GRM5: variants seen among roughly 807,000 people sequenced by gnomAD.
GRM5 encodes the protein glutamate metabotropic receptor 5, also known as metabotropic glutamate receptor 5.
Under a neutral mutation model 83.1 loss-of-function variants are expected in GRM5, and 19 were observed. That is an observed-to-expected ratio of 0.23 (90% CI 0.16 to 0.34). The LOEUF is 0.34. GRM5 is among the 10% of genes least tolerant of loss of function. GRM5 has a pLI of 1.00. For missense variants in GRM5, 1,160 were observed against 1,588.3 expected, an observed-to-expected ratio of 0.73 and a Z score of 4.58; for synonymous variants, 675 against 633.6, an observed-to-expected ratio of 1.07 and a Z score of -0.98.
intron 4 of GRM5, among the ~76,000 whole-genome samples, chr11:88,643,745 T>C (rs1167873586): frequency 8.9e-5 from 11 of 123,764 alleles, no homozygotes; most frequent in Non-Finnish European, 3.6e-5. Flanking sequence ...CCCAAGCAAT[T>C]CTTTTCTTTC....
chr11:89,038,274 C>T (rs760217160), intron 2 of GRM5, among the ~76,000 whole-genome samples: 3 of 152,114 alleles, frequency 2.0e-5, no homozygotes, highest in Non-Finnish European at 4.4e-5. Context: ...GCCAAAACAT[C>T]TCCTCAATTC....
At chr11:88,611,970 A>T (rs962830342) in intron 4 of GRM5, among the ~76,000 whole-genome samples, 33 of 146,034 alleles carry the variant, frequency 2.3e-4, no homozygotes, top group Non-Finnish European at 2.5e-4. Context: ...TTTATTTATT[A>T]TTTTTTTTTA....
intron 2 of GRM5, among the ~76,000 whole-genome samples, chr11:89,002,655 T>C (rs1940416962): frequency 6.6e-6 from 1 of 152,210 alleles, no homozygotes; most frequent in African/African-American, 2.4e-5. Flanking sequence ...GAGTGTTTAA[T>C]AATCTATTGC....
chr11:88,612,240 A>G (rs1221253927), intron 4 of GRM5, among the ~76,000 whole-genome samples: 1 of 148,278 alleles, frequency 6.7e-6, no homozygotes. Context: ...TTCCTGCGAT[A>G]GTTTACTGAG....
At chr11:88,630,826 C>A (rs1241242176) in intron 4 of GRM5, among the ~76,000 whole-genome samples, 1 of 152,110 alleles carries the variant, frequency 6.6e-6, no homozygotes, top group African/African-American at 2.4e-5. Context: ...GATTTGCCCA[C>A]CTCGGCCTCC....
rs192798979 is a variant in GRM5, at chr11:88,884,029, C to T, written c.662-33874G>A. Among the ~76,000 whole-genome samples the T allele has an allele frequency of 1.2e-4, 18 of 152,206 alleles. No homozygotes were observed. The East Asian group carries it at 3.5e-3, about 29-fold the overall frequency. Reference sequence around the variant, plus strand: ...GGGACTGGAGGCCCCACACAGAGTCCCCACTAGGGCACTGCCTAGTGGAAT... The same window carrying T: ...GGGACTGGAGGCCCCACACAGAGTCTCCACTAGGGCACTGCCTAGTGGAAT... On this transcript the variant is annotated intron_variant, in intron 2 of 9. Coordinates refer to ENST00000305447, the MANE Select transcript of GRM5 (RefSeq NM_001143831.3).
At chr11:88,659,677 A>T (rs1939854284) in intron 3 of GRM5, among the ~76,000 whole-genome samples, 1 of 152,208 alleles carries the variant, frequency 6.6e-6, no homozygotes, top group East Asian at 1.9e-4. Context: ...AGGACTTAAC[A>T]ACCAATAGGC....
At chr11:88,686,951 C>A (rs2135352821) in intron 3 of GRM5, among the ~76,000 whole-genome samples, 1 of 152,264 alleles carries the variant, frequency 6.6e-6, no homozygotes, top group East Asian at 1.9e-4. Context: ...CTCTACTAAA[C>A]CCACAGAGAA....
intron 3 of GRM5, among the ~76,000 whole-genome samples, chr11:88,695,398 A>C (rs559060723): frequency 6.6e-6 from 1 of 152,338 alleles, no homozygotes; most frequent in East Asian, 1.9e-4. Flanking sequence ...CAAAATACTG[A>C]AATTCACTAA....
At position 88,579,832 on chromosome 11, in the gene GRM5, A is replaced by G. The variant is rs114426218; in HGVS notation, c.1690+10769T>C. On this transcript the variant is annotated intron_variant, in intron 7 of 9. Coordinates refer to ENST00000305447, the MANE Select transcript of GRM5 (RefSeq NM_001143831.3). ...ACAATGGAGTAACATGACCTGGCTT[A>G]TTTTGTAAAAAGATATCTCTGCCTG... Among the ~76,000 whole-genome samples, 1,120 of 152,312 alleles carry G rather than the reference A, an allele frequency of 7.4e-3. 11 individuals are homozygous for G. Among genetic ancestry groups the G allele is most frequent in the African/African-American group, 0.026 (1,082 of 41,574 alleles).
chr11:88,810,296 TG>T (rs1412261423), intron 3 of GRM5, among the ~76,000 whole-genome samples: 1 of 152,068 alleles, frequency 6.6e-6, no homozygotes, highest in African/African-American at 2.4e-5. Flanking sequence ...TAAAAAAACT[TG>T]GGCTGGCTCT....
chr11:88,720,811 T>C (rs866805085), intron 3 of GRM5, among the ~76,000 whole-genome samples: 1 of 131,794 alleles, frequency 7.6e-6, no homozygotes, highest in African/African-American at 3.2e-5. Context: ...TGTGTGTGTG[T>C]GTGTGTGTGC....
chr11:88,568,299 G>A (rs1401160399), intron 7 of GRM5, among the ~76,000 whole-genome samples: 2 of 152,156 alleles, frequency 1.3e-5, no homozygotes, highest in African/African-American at 4.8e-5. Context: ...ACTGTGATAA[G>A]GGTCATGAAG....
intron 7 of GRM5, among the ~76,000 whole-genome samples, chr11:88,573,658 G>A (rs886745678): frequency 6.6e-6 from 1 of 152,190 alleles, no homozygotes; most frequent in Non-Finnish European, 1.5e-5. Context: ...AAACTAATAT[G>A]GGGATACAGA....
chr11:88,791,689 T>A (rs969079438), intron 3 of GRM5, among the ~76,000 whole-genome samples: 1 of 152,158 alleles, frequency 6.6e-6, no homozygotes, highest in African/African-American at 2.4e-5. Flanking sequence ...GGGCAAGTGC[T>A]ATTAAATAAA....
chr11:88,521,274 G>A (rs960525818), intron 9 of GRM5, among the ~76,000 whole-genome samples: 2 of 152,020 alleles, frequency 1.3e-5, no homozygotes, highest in East Asian at 1.9e-4. Context: ...AAAATTAGCC[G>A]GGCGTGGTGG....
chr11:88,876,279 T>TA (rs1246680204), intron 2 of GRM5, among the ~76,000 whole-genome samples: 1 of 152,136 alleles, frequency 6.6e-6, no homozygotes, highest in Admixed American at 6.6e-5. Context: ...CAAACTCTGC[T>TA]AGCTGCAATC....
rs1591329523 is a variant in GRM5, at chr11:88,534,327, G to A, written c.2631-8923C>T. ...ACCAGCCTGTGAAAGCAGCTGAGAG[G>A]GAGGCTGTACTCTTCAAAGCCACAC... On this transcript the variant is annotated intron_variant, in intron 8 of 9. Coordinates refer to ENST00000305447, the MANE Select transcript of GRM5 (RefSeq NM_001143831.3). 2.0e-5 allele frequency among the ~76,000 whole-genome samples: 3 copies of A among 152,328 alleles called. No homozygotes were observed. In the South Asian group the frequency reaches 6.2e-4, roughly 32 times the overall value.
intron 4 of GRM5, among the ~76,000 whole-genome samples, chr11:88,632,356 C>A (rs1289347082): frequency 6.6e-6 from 1 of 151,574 alleles, no homozygotes; most frequent in Non-Finnish European, 1.5e-5. Flanking sequence ...CCTCAGACCC[C>A]CAAGCACCTA....
Sources: gnomAD v4.1 joint callset for allele counts (sites outside exome capture counted in the v4.1 genomes callset) on GRCh38, gnomAD v4.1.1 for gene constraint, MANE v1.5 for transcripts, NCBI Gene and HGNC (gene_info 2026-07-23, HGNC 2026-07-21) for gene names.